Variants in AUH observed in about 807,000 individuals in gnomAD.
AUH encodes methylglutaconyl-CoA hydratase, mitochondrial.
AUH carries 29 observed loss-of-function variants against 42.3 expected under a neutral mutation model. The ratio of observed to expected loss-of-function variants is 0.69; its 90% confidence interval spans 0.51 to 0.93. The LOEUF is 0.93. Among genes scored for constraint, AUH ranks in the 40% least tolerant of loss-of-function variants. AUH has a pLI of 0.00. For synonymous variants in AUH, 174 were observed against 166.4 expected, an observed-to-expected ratio of 1.05 and a Z score of -0.35; for missense variants, 452 against 438.1, an observed-to-expected ratio of 1.03 and a Z score of -0.28.
intron 4 of AUH, among the ~76,000 whole-genome samples, chr9:91,319,683 T>G (rs1005891327): frequency 2.1e-4 from 32 of 152,128 alleles, no homozygotes; most frequent in African/African-American, 7.7e-4. Flanking sequence ...GTGCCTCAAG[T>G]AGGCAGGCCT....
chr9:91,329,312 A>C (rs554579234), intron 3 of AUH, among the ~76,000 whole-genome samples: 1 of 144,444 alleles, frequency 6.9e-6, no homozygotes, highest in South Asian at 2.2e-4. Context: ...AAGAAAAAAA[A>C]AAAACAAAAA....
chr9:91,248,863 G>A (rs1040930553), intron 6 of AUH, among the ~76,000 whole-genome samples: 47 of 152,262 alleles, frequency 3.1e-4, no homozygotes, highest in African/African-American at 1.0e-3. Flanking sequence ...GATGTTAAGC[G>A]AGGACTTACT....
chr9:91,343,762 T>C (rs970806917), intron 3 of AUH, among the ~76,000 whole-genome samples: 8 of 152,104 alleles, frequency 5.3e-5, no homozygotes, highest in African/African-American at 1.4e-4. Context: ...CAATCAGATA[T>C]CATTATAGAT....
At chr9:91,312,498 T>TG (rs918974355) in intron 4 of AUH, among the ~76,000 whole-genome samples, 24 of 152,226 alleles carry the variant, frequency 1.6e-4, no homozygotes, top group Non-Finnish European at 2.4e-4. Context: ...GAGGCCAAGG[T>TG]GGGGGTATCA....
intron 3 of AUH, among the ~76,000 whole-genome samples, chr9:91,337,467 T>G (rs1367529248): frequency 6.6e-6 from 1 of 152,164 alleles, no homozygotes; most frequent in Non-Finnish European, 1.5e-5. Context: ...TAGTTTGAGC[T>G]AACCAGCATG....
intron 4 of AUH, among the ~76,000 whole-genome samples, chr9:91,319,437 T>C (rs1255905124): frequency 6.6e-6 from 1 of 152,152 alleles, no homozygotes; most frequent in Non-Finnish European, 1.5e-5. Context: ...CAGGTGACCA[T>C]GTAATTGTCA....
At chr9:91,259,284 T>G (rs10991848) in intron 6 of AUH, among the ~76,000 whole-genome samples, 32,647 of 151,978 alleles carry the variant, frequency 0.21, 3,672 homozygotes, top group East Asian at 0.34. Context: ...CTATAATGTT[T>G]CTCATAATAT....
intron 4 of AUH, among the ~76,000 whole-genome samples, chr9:91,302,301 C>G (rs563799006): frequency 1.3e-5 from 2 of 152,064 alleles, no homozygotes; most frequent in South Asian, 2.1e-4. Context: ...AACCCCATCT[C>G]TACTAAAAAT....
chr9:91,264,195 A>G (rs1829849568), intron 6 of AUH, among the ~76,000 whole-genome samples: 1 of 152,212 alleles, frequency 6.6e-6, no homozygotes, highest in Non-Finnish European at 1.5e-5. Context: ...CTAAAATTAC[A>G]TTTCATTCTT....
chr9:91,291,035 G>A (rs1826832967), intron 6 of AUH, among the ~76,000 whole-genome samples: 1 of 152,176 alleles, frequency 6.6e-6, no homozygotes, highest in Non-Finnish European at 1.5e-5. Flanking sequence ...TCCTTCGAGA[G>A]GCTCTGTGAG....
chr9:91,349,500 C>G (rs1831783629), intron 3 of AUH, among the ~76,000 whole-genome samples: 1 of 152,208 alleles, frequency 6.6e-6, no homozygotes, highest in Non-Finnish European at 1.5e-5. Context: ...CAAAAATAAA[C>G]AGATGACGGT....
intron 4 of AUH, among the ~76,000 whole-genome samples, chr9:91,315,150 G>A (rs1829054188): frequency 6.6e-6 from 1 of 152,126 alleles, no homozygotes; most frequent in Admixed American, 6.6e-5. Context: ...CGTTGGCCAG[G>A]CTGGTCTCGA....
At chr9:91,353,820 CAAAAAAAAAAAA>C (rs56842895) in intron 3 of AUH, among the ~76,000 whole-genome samples, 16 of 27,648 alleles carry the variant, frequency 5.8e-4, no homozygotes, top group East Asian at 2.9e-3. Context: ...GACTCCGTCT[CAAAAAAAAAAAA>C]AAAAAAAAAA....
At chr9:91,281,686 C>T (rs1048424404) in intron 6 of AUH, among the ~76,000 whole-genome samples, 6 of 152,234 alleles carry the variant, frequency 3.9e-5, no homozygotes, top group Admixed American at 6.5e-5. Context: ...AGCCAGAATC[C>T]TTGGAGTCAT....
chr9:91,248,556 T>A (rs1828925192), intron 6 of AUH, among the ~76,000 whole-genome samples: 1 of 152,176 alleles, frequency 6.6e-6, no homozygotes, highest in African/African-American at 2.4e-5. Flanking sequence ...CTAGATTACA[T>A]ATATGAGCTC....
chr9:91,308,450 T>A (rs1364974930), intron 4 of AUH, among the ~76,000 whole-genome samples: 3 of 152,320 alleles, frequency 2.0e-5, no homozygotes, highest in South Asian at 2.1e-4. Flanking sequence ...GATGTTTGTT[T>A]TCATTCTCCA....
chr9:91,234,970 A>C (rs543097225), intron 6 of AUH, among the ~76,000 whole-genome samples: 1 of 151,758 alleles, frequency 6.6e-6, no homozygotes, highest in East Asian at 1.9e-4. Context: ...TGATGAGCTC[A>C]GCTGGTACAA....
At chr9:91,293,827 T>G (rs1218894539) in intron 6 of AUH, among the ~76,000 whole-genome samples, 4 of 152,218 alleles carry the variant, frequency 2.6e-5, no homozygotes, top group African/African-American at 9.6e-5. Context: ...AGGACTTTCA[T>G]AGCTACAGAA....
chr9:91,313,985 G>A (rs1828939037), intron 4 of AUH, among the ~76,000 whole-genome samples: 1 of 151,720 alleles, frequency 6.6e-6, no homozygotes, highest in Non-Finnish European at 1.5e-5. Flanking sequence ...CACCACGCCT[G>A]GCTAATTTCT....
Sources: allele counts gnomAD v4.1 joint callset (sites outside exome capture counted in the v4.1 genomes callset), GRCh38; gene constraint gnomAD v4.1.1; transcripts MANE v1.5; gene names NCBI Gene and HGNC (gene_info 2026-07-23, HGNC 2026-07-21).